The following NPFFR2 variants were observed in gnomAD, a reference collection of about 807,000 sequenced individuals.
NPFFR2 encodes the protein G-protein coupled receptor 74.
A neutral mutation model predicts 13.1 loss-of-function variants in NPFFR2; 15 were observed. The observed-to-expected ratio is 1.15, with a 90% CI of 0.77 to 1.76. NPFFR2 has a LOEUF of 1.76. Ranked by LOEUF, NPFFR2 falls within the 40% of genes most tolerant of loss-of-function variation. The probability of loss-of-function intolerance (pLI) is 0.00; values close to 1 mark genes in which losing one functional copy is unlikely to be tolerated. For missense variants in NPFFR2, 572 were observed against 503.5 expected (o/e 1.14, Z -1.30); for synonymous variants, 190 against 175.7 (o/e 1.08, Z -0.65).
intron 1 of NPFFR2, among the ~76,000 whole-genome samples, chr4:72,082,825 C>G (rs1188703333): frequency 1.3e-5 from 2 of 152,064 alleles, no homozygotes; most frequent in Non-Finnish European, 2.9e-5. Context: ...CCACCCCAGC[C>G]CCCACTCCCT....
chr4:72,122,819 A>G (rs1721927280), intron 1 of NPFFR2, among the ~76,000 whole-genome samples: 1 of 152,208 alleles, frequency 6.6e-6, no homozygotes, highest in African/African-American at 2.4e-5. Flanking sequence ...TAAAATTGAC[A>G]CCCTAACATC....
chr4:72,041,312 T>G (rs1368601815), intron 1 of NPFFR2, among the ~76,000 whole-genome samples: 1 of 152,246 alleles, frequency 6.6e-6, no homozygotes, highest in Non-Finnish European at 1.5e-5. Context: ...TCCATGTTGC[T>G]GCAAAGTACA....
chr4:72,134,589 G>A (rs1722350913), intron 2 of NPFFR2, among the ~76,000 whole-genome samples: 1 of 152,050 alleles, frequency 6.6e-6, no homozygotes, highest in Non-Finnish European at 1.5e-5. Flanking sequence ...GGAAAGTGCT[G>A]TATCAATTTC....
chr4:72,110,289 G>A lies in NPFFR2; in HGVS notation c.-7-18296G>A, dbSNP rs186622645. ...AAGACATGTTTGCTTCCCCTTTTGC[G>A]ATGATTGTAAGTTTCCTGAGGCCTT... is the stretch of plus-strand genomic sequence containing the variant. On this transcript the variant is annotated intron_variant, in intron 1 of 3. Transcript: ENST00000308744. Among the ~76,000 whole-genome samples the A allele has an allele frequency of 3.3e-5, 5 of 152,004 alleles. No individual in the cohort carries two copies. The East Asian group carries it at 5.8e-4, about 18-fold the overall frequency.
intron 1 of NPFFR2, among the ~76,000 whole-genome samples, chr4:72,041,838 G>C (rs1719229898): frequency 6.6e-6 from 1 of 152,022 alleles, no homozygotes; most frequent in Non-Finnish European, 1.5e-5. Flanking sequence ...CTTTTTAATG[G>C]AGTTTATTTT....
intron 1 of NPFFR2, among the ~76,000 whole-genome samples, chr4:72,069,716 T>C (rs1400751342): frequency 2.0e-5 from 3 of 152,020 alleles, no homozygotes; most frequent in Non-Finnish European, 2.9e-5. Context: ...TAAATGACAA[T>C]TAGTAACAGA....
At chr4:72,114,051 C>A (rs1235661867) in intron 1 of NPFFR2, among the ~76,000 whole-genome samples, 1 of 152,002 alleles carries the variant, frequency 6.6e-6, no homozygotes, top group African/African-American at 2.4e-5. Flanking sequence ...AGACTATTTG[C>A]CCAGAGCTTC....
chr4:72,130,812 G>A (rs1722213624), intron 2 of NPFFR2, among the ~76,000 whole-genome samples: 1 of 152,212 alleles, frequency 6.6e-6, no homozygotes, highest in Non-Finnish European at 1.5e-5. Context: ...AACCAGCTCA[G>A]TGGAGGGTCA....
chr4:72,042,207 G>A lies in NPFFR2; in HGVS notation c.-8+10007G>A, dbSNP rs143876002. ...AAGGGGCTTTTCCCCCTTTTGCTTG[G>A]CACTTCTTGCTGCCACCATGTGAAG... On this transcript the variant is annotated intron_variant, in intron 1 of 3. Coordinates refer to ENST00000308744, the MANE Select transcript of NPFFR2 (RefSeq NM_004885.3). 3.1e-3 allele frequency among the ~76,000 whole-genome samples: 467 copies of A among 152,184 alleles called. 1 individual carries two copies. The highest frequency in any genetic ancestry group is 5.2e-3 in the Non-Finnish European group (354 of 68,006).
intron 1 of NPFFR2, among the ~76,000 whole-genome samples, chr4:72,120,040 T>C (rs1225861992): frequency 6.6e-6 from 1 of 152,148 alleles, no homozygotes; most frequent in East Asian, 1.9e-4. Flanking sequence ...CTTGAATTTC[T>C]CACTGTCAGC....
intron 1 of NPFFR2, among the ~76,000 whole-genome samples, chr4:72,039,893 G>A (rs993180561): frequency 6.6e-6 from 1 of 152,108 alleles, no homozygotes; most frequent in Non-Finnish European, 1.5e-5. Context: ...ACAGCAATAG[G>A]TGTTGTAACT....
At chr4:72,034,137 T>G (rs1718989463) in intron 1 of NPFFR2, among the ~76,000 whole-genome samples, 1 of 152,212 alleles carries the variant, frequency 6.6e-6, no homozygotes, top group Non-Finnish European at 1.5e-5. Context: ...GACATTGGTT[T>G]TAGCTAAAGA....
At chr4:72,072,741 A>T (rs1468154209) in intron 1 of NPFFR2, among the ~76,000 whole-genome samples, 2 of 152,142 alleles carry the variant, frequency 1.3e-5, no homozygotes, top group Non-Finnish European at 2.9e-5. Flanking sequence ...GAGTAGAATA[A>T]ACTCAAAGAT....
Position 72,068,983 on chromosome 4 carries a change from T to C in NPFFR2, c.-8+36783T>C, listed in dbSNP as rs1298085011. 16 of 1,431,470 alleles carry C rather than the reference T, an allele frequency of 1.1e-5. No individual in the cohort carries two copies. The East Asian group carries it at 3.3e-4, about 30-fold the overall frequency. The allele number at this position is 1,431,470 out of a possible 1,614,324, so 88.7% of individuals were successfully genotyped here. A position where few individuals can be genotyped will look rare whatever the true frequency, so the allele number is the denominator to read the frequency against. ...TACAAGAAACATCAAAAAGATTGAATGTCTTAATAAGAGTGAAGCATGTAG... is the reference window on the plus strand; with the variant it reads ...TACAAGAAACATCAAAAAGATTGAACGTCTTAATAAGAGTGAAGCATGTAG... On this transcript the variant is annotated intron_variant, in intron 1 of 3. Transcript: ENST00000308744.
intron 1 of NPFFR2, among the ~76,000 whole-genome samples, chr4:72,060,054 T>A (rs924995363): frequency 3.3e-5 from 5 of 152,140 alleles, no homozygotes; most frequent in Admixed American, 3.3e-4. Context: ...TTCCCATTTA[T>A]TAAAGAGATT....
At chr4:72,036,570 TTAA>T (rs1370988088) in intron 1 of NPFFR2, among the ~76,000 whole-genome samples, 1 of 148,040 alleles carries the variant, frequency 6.8e-6, no homozygotes, top group Non-Finnish European at 1.5e-5. Flanking sequence ...ATATATACAT[TTAA>T]ATATATAGTA....
rs181072929 is a variant in NPFFR2 at position 72,037,296 on chromosome 4, G to T, written c.-8+5096G>T. Among the ~76,000 whole-genome samples, 21 of 150,766 alleles carry T rather than the reference G, an allele frequency of 1.4e-4. No individual in the cohort carries two copies. The East Asian group carries it at 4.2e-3, about 30-fold the overall frequency. The stretch of plus-strand genomic sequence containing the variant: ...ACCTGTAGTTCTAGCAACTCGGGAA[G>T]TTAAGGTTAAGGTGGGAGGATTGCT... On this transcript the variant is annotated intron_variant, in intron 1 of 3. Transcript: ENST00000308744.
At position 72,111,668 on chromosome 4, in the gene NPFFR2, C is replaced by A. The variant is rs116172623; in HGVS notation, c.-7-16917C>A. Among the ~76,000 whole-genome samples the A allele has an allele frequency of 3.0e-3, 449 of 152,050 alleles. 2 individuals are homozygous for A. The highest frequency in any genetic ancestry group is 0.011 in the African/African-American group (441 of 41,510). On this transcript the variant is annotated intron_variant, in intron 1 of 3. Coordinates refer to ENST00000308744, the MANE Select transcript of NPFFR2 (RefSeq NM_004885.3). ...CAACATAGGAAATTCCAAAAGTCAC[C>A]GTTCAGCATGGCCAGTTAAAACTCC...
intron 1 of NPFFR2, among the ~76,000 whole-genome samples, chr4:72,108,478 G>A (rs182346731): frequency 6.6e-6 from 1 of 151,948 alleles, no homozygotes; most frequent in Admixed American, 6.6e-5. Flanking sequence ...TCTGAACTCA[G>A]TTAATATCTT....
Sources: gnomAD v4.1 joint callset for allele counts (sites outside exome capture counted in the v4.1 genomes callset) on GRCh38, gnomAD v4.1.1 for gene constraint, MANE v1.5 for transcripts, NCBI Gene and HGNC (gene_info 2026-07-23, HGNC 2026-07-21) for gene names.